Variants in RASSF2 observed in about 807,000 individuals in gnomAD.
RASSF2 encodes Ras association domain family member 2.
In RASSF2, 34 loss-of-function variants were observed where a neutral mutation model predicts 46.3. That is an observed-to-expected ratio of 0.73 (90% CI 0.56 to 0.98). The LOEUF is 0.98. RASSF2 is among the 50% of genes least tolerant of loss of function. The pLI, the probability that RASSF2 is intolerant of heterozygous loss-of-function variation, is 0.00. For synonymous variants in RASSF2, 158 were observed against 162.5 expected, an observed-to-expected ratio of 0.97 and a Z score of 0.21; for missense variants, 364 against 431.2, an observed-to-expected ratio of 0.84 and a Z score of 1.38.
In RASSF2 at chr20:4,803,491, T is replaced by C. The variant is rs138040407; in HGVS notation, c.-32-2429A>G. ...AGCGTTGGCCAGGCATGGTGGTTCA[T>C]GCCCGTGACTGCAATACTTCATGAA... On this transcript the variant is annotated intron_variant, in intron 2 of 11. Transcript: ENST00000379400. 1.3e-3 allele frequency among the ~76,000 whole-genome samples: 195 copies of C among 152,238 alleles called. 1 individual carries two copies. Among genetic ancestry groups the C allele is most frequent in the Middle Eastern group, 6.8e-3 (2 of 294 alleles).
At chr20:4,796,801 AC>A (rs1404419493) in intron 4 of RASSF2, among the ~76,000 whole-genome samples, 2 of 152,236 alleles carry the variant, frequency 1.3e-5, no homozygotes, top group African/African-American at 4.8e-5. Flanking sequence ...CTATTTAAGA[AC>A]TAAAATCTTG....
chr20:4,792,513 TG>T (rs1568566814), intron 6 of RASSF2, 25 bp downstream of exon 6: 6 of 1,613,822 alleles, frequency 3.7e-6, no homozygotes, highest in Non-Finnish European at 5.1e-6. Context: ...GGTCCCTAGC[TG>T]GAAGTACCTT....
At position 4,789,648 on chromosome 20, in the gene RASSF2, T is replaced by C. The variant is rs765877655; in HGVS notation, c.587A>G (p.Asn196Ser). ...AYGSVTNVRI[N>S]STMTTPQVLK... ...GACCTGTGGGGTGGTCATGGTGCTG[T>C]TGATGCGGACGTTGGTGACAGAGCC... Residue 196 changes from asparagine to serine, a missense_variant, in exon 8 of 12, where the codon AAC becomes AGC. By Grantham distance (46) the Asn-to-Ser change is conservative (BLOSUM62 1). Transcript: ENST00000379400. 8.7e-6 allele frequency: 14 copies of C among 1,613,992 alleles called. No homozygotes were observed. The highest frequency in any genetic ancestry group is 5.5e-5 in the South Asian group (5 of 91,084).
At position 4,780,079 on chromosome 20, in the gene RASSF2, T is replaced by A. The variant is rs568030215; in HGVS notation, c.*4194A>T. On this transcript the variant is annotated 3_prime_UTR_variant, in exon 12 of 12. Coordinates refer to ENST00000379400, the MANE Select transcript of RASSF2 (RefSeq NM_014737.3). ...TCTAAGTCAGATGCATTAAAACATATCAAAATGTTACAAAAATGTATGGCT... is the reference window on the plus strand; with the variant it reads ...TCTAAGTCAGATGCATTAAAACATAACAAAATGTTACAAAAATGTATGGCT... 1 of 152,554 alleles carries A rather than the reference T, an allele frequency of 6.6e-6. No individual in the cohort carries two copies. The highest frequency in any genetic ancestry group is 1.5e-5 in the Non-Finnish European group (1 of 68,044). The allele number at this position is 152,554 out of a possible 1,614,324, so 9.5% of individuals were successfully genotyped here.
chr20:4,784,374 C>A (rs890911956), intron 11 of RASSF2, 32 bp from the exon 12 acceptor site: 2 of 1,598,386 alleles, frequency 1.3e-6, no homozygotes, highest in African/African-American at 2.7e-5. Context: ...AGATGGAGAG[C>A]AGCCAGCAAC....
chr20:4,790,503 C>T lies in RASSF2; in HGVS notation c.485G>A (p.Arg162Gln), dbSNP rs759133926. 1.1e-5 allele frequency: 17 copies of T among 1,526,786 alleles called. No individual in the cohort carries two copies. In the South Asian group the frequency reaches 1.6e-4, roughly 15 times the overall value. The allele number at this position is 1,526,786 out of a possible 1,614,324, so 94.6% of individuals were successfully genotyped here. ...RGNVRTPSDQ[R>Q]RIRRHRFSIN... is the part of the protein sequence containing the mutation. ...GGAGAAGCGGTGGCGTCTGATTCGCCGCTGGTCACTAGGCGTCCTCACATT... is the reference window on the plus strand; with the variant it reads ...GGAGAAGCGGTGGCGTCTGATTCGCTGCTGGTCACTAGGCGTCCTCACATT... Residue 162 changes from arginine (R) to glutamine (Q), a missense_variant, in exon 7 of 12, where the codon CGG (arginine) becomes CAG (glutamine). Transcript: ENST00000379400. The surrounding 1 kb of genome is among the most constrained non-coding windows in gnomAD (Gnocchi z 4.3).
intron 10 of RASSF2, among the ~76,000 whole-genome samples, chr20:4,787,151 C>A (rs1227346386): frequency 6.6e-6 from 1 of 152,100 alleles, no homozygotes; most frequent in Non-Finnish European, 1.5e-5. Context: ...AAGTACATTT[C>A]TCTACCCTAT....
In RASSF2 at chr20:4,783,182, C is replaced by T. The variant is rs1924990459; in HGVS notation, c.*1091G>A. ...AAGGTGAGGGCAACTTGCAAGAACC[C>T]AGAGGTTGGAAAGAATGGTCTTGAC... is the stretch of plus-strand genomic sequence containing the variant. On this transcript the variant is annotated 3_prime_UTR_variant, in exon 12 of 12. Transcript: ENST00000379400. 6.6e-6 allele frequency: 1 copy of T among 152,242 alleles called. No individual in the cohort carries two copies. Among genetic ancestry groups the T allele is most frequent in the Admixed American group, 6.5e-5 (1 of 15,282 alleles). 9.4% of individuals were successfully genotyped at this position (152,242 alleles called of 1,614,324 possible). A position where few individuals can be genotyped will look rare whatever the true frequency, so the allele number is the denominator to read the frequency against.
intron 6 of RASSF2, among the ~76,000 whole-genome samples, chr20:4,791,547 T>C (rs546175095): frequency 6.6e-6 from 1 of 152,226 alleles, no homozygotes. Flanking sequence ...AATACTGACA[T>C]TAATCACAAG....
At chr20:4,811,113 A>G (rs1927755790) in intron 2 of RASSF2, among the ~76,000 whole-genome samples, 1 of 151,062 alleles carries the variant, frequency 6.6e-6, no homozygotes, top group African/African-American at 2.4e-5. Context: ...TAATTGCAGC[A>G]CAGCACAAGG....
At chr20:4,797,664 G>T (rs1320435282) in intron 4 of RASSF2, among the ~76,000 whole-genome samples, 1 of 152,162 alleles carries the variant, frequency 6.6e-6, no homozygotes, top group South Asian at 2.1e-4. Context: ...ACAGAGGACT[G>T]GGTGGGGTTC....
chr20:4,788,210 G>C lies in RASSF2; in HGVS notation c.691+7C>G. ...GTTTTAAAGTACACTGTGGTCTTCA[G>C]ACTTACCACCACTCGTATGGACCAC... On this transcript the variant is annotated splice_region_variant and intron_variant, in intron 9 of 11. Coordinates refer to ENST00000379400, the MANE Select transcript of RASSF2 (RefSeq NM_014737.3). The C allele has an allele frequency of 1.3e-6, 2 of 1,585,474 alleles. No homozygotes were observed. The highest frequency in any genetic ancestry group is 8.7e-7 in the Non-Finnish European group (1 of 1,154,036).
intron 2 of RASSF2, among the ~76,000 whole-genome samples, chr20:4,803,291 T>C (rs1171657637): frequency 6.6e-6 from 1 of 152,014 alleles, no homozygotes. Context: ...TTCGACCTCC[T>C]GGAAGAAGGA....
intron 3 of RASSF2, among the ~76,000 whole-genome samples, chr20:4,798,362 C>G (rs78102912): frequency 0.014 from 2,132 of 152,204 alleles, 41 homozygotes; most frequent in African/African-American, 0.049. Context: ...CCTCGTCTAC[C>G]GACAATACTC....
chr20:4,792,265 G>A (rs930949364), intron 6 of RASSF2, among the ~76,000 whole-genome samples: 3 of 131,912 alleles, frequency 2.3e-5, no homozygotes, highest in Non-Finnish European at 5.0e-5. Context: ...GAGGAGGGGA[G>A]GGGAGGGGAG....
At chr20:4,799,658 C>A (rs1926697490) in intron 3 of RASSF2, among the ~76,000 whole-genome samples, 1 of 152,232 alleles carries the variant, frequency 6.6e-6, no homozygotes, top group African/African-American at 2.4e-5. Context: ...TTTGAACACA[C>A]AGATCTGAAA....
At position 4,798,100 on chromosome 20, in the gene RASSF2, T is replaced by C. The variant is rs775887175; in HGVS notation, c.60-15A>G. Reference sequence around the variant, plus strand: ...GAAGTTCATTTCTTAGGGGGAAAAATAGAAGAGATATAACATTATCAGCTG... The same window carrying C: ...GAAGTTCATTTCTTAGGGGGAAAAACAGAAGAGATATAACATTATCAGCTG... On this transcript the variant is annotated splice_polypyrimidine_tract_variant and intron_variant, in intron 3 of 11. Coordinates refer to ENST00000379400, the MANE Select transcript of RASSF2 (RefSeq NM_014737.3). 3.1e-5 allele frequency: 50 copies of C among 1,613,284 alleles called. No individual in the cohort carries two copies. The East Asian group carries it at 5.1e-4, about 17-fold the overall frequency.
rs1925015310 is a variant in RASSF2, at chr20:4,783,472, C to T, written c.*801G>A. ...TGTCAGCTGGGTACAGAGAAACACA[C>T]AGGATCTTCTCTGTCTCCTAAAGGT... On this transcript the variant is annotated 3_prime_UTR_variant, in exon 12 of 12. Transcript: ENST00000379400. 2 of 152,630 alleles carry T rather than the reference C, an allele frequency of 1.3e-5. No homozygotes were observed. Among genetic ancestry groups the T allele is most frequent in the Admixed American group, 1.3e-4 (2 of 15,280 alleles). The allele number at this position is 152,630 out of a possible 1,614,324, so 9.5% of individuals were successfully genotyped here.
chr20:4,806,118 A>G (rs1031947051), intron 2 of RASSF2, among the ~76,000 whole-genome samples: 23 of 152,200 alleles, frequency 1.5e-4, no homozygotes, highest in Admixed American at 1.4e-3. Context: ...GGGCAGAGGA[A>G]GGAGTCCCTG....
Sources: allele counts gnomAD v4.1 joint callset (sites outside exome capture counted in the v4.1 genomes callset), GRCh38; gene constraint gnomAD v4.1.1; non-coding constraint Gnocchi (gnomAD v3.1); transcripts MANE v1.5; gene names NCBI Gene and HGNC (gene_info 2026-07-23, HGNC 2026-07-21).